MTA3: variants seen among roughly 807,000 people sequenced by gnomAD.
The protein encoded by MTA3 is metastasis-associated protein MTA3.
MTA3 carries 34 observed loss-of-function variants against 83.5 expected under a neutral mutation model. The observed-to-expected ratio is 0.41, with a 90% CI of 0.31 to 0.54. The LOEUF is 0.54. Among genes scored for constraint, MTA3 ranks in the 20% least tolerant of loss-of-function variants. MTA3 has a pLI of 0.33. For missense variants in MTA3, 761 were observed against 726.4 expected (o/e 1.05, Z -0.55); for synonymous variants, 303 against 252.7 (o/e 1.20, Z -1.89).
intron 2 of MTA3, among the ~76,000 whole-genome samples, chr2:42,557,184 A>G (rs939465423): frequency 2.6e-5 from 4 of 152,162 alleles, no homozygotes; most frequent in African/African-American, 7.2e-5. Flanking sequence ...CGGAGGTTGC[A>G]GTGAGCAGAT....
intron 4 of MTA3, among the ~76,000 whole-genome samples, chr2:42,629,253 G>GT (rs754348731): frequency 2.0e-5 from 3 of 151,848 alleles, no homozygotes; most frequent in Non-Finnish European, 4.4e-5. Flanking sequence ...GTACTTTTTT[G>GT]TATCTTTAGT....
chr2:42,549,403 G>GTATATAATATATATTATATAA (rs1363874244), intron 2 of MTA3, among the ~76,000 whole-genome samples: 1 of 109,220 alleles, frequency 9.2e-6, no homozygotes, highest in Non-Finnish European at 1.7e-5. Flanking sequence ...TTATATATAC[G>GTATATAATATATATTATATAA]TATATAATAT....
rs1428858810 is a variant in MTA3, at chr2:42,659,779, G to T, written c.619G>T (p.Ala207Ser). The T allele has an allele frequency of 6.3e-7, 1 of 1,597,810 alleles. No homozygotes were observed. The highest frequency in any genetic ancestry group is 2.3e-5 in the East Asian group (1 of 43,566). ...LVVARAVGTF[A>S]RALDCSSSVR... ...TTTATTCAGTGCTGTTGGGACATTC[G>T]CCAGAGCCCTGGATTGCAGCAGTTC... The change falls in exon 8 of 17, where the codon GCC (alanine) becomes TCC (serine). Residue 207 changes from alanine (A) to serine (S), a missense_variant. Ala to Ser is a moderately conservative substitution (Grantham distance 99). Transcript: ENST00000405094.
intron 4 of MTA3, among the ~76,000 whole-genome samples, chr2:42,611,078 T>C (rs1684145687): frequency 1.3e-5 from 2 of 149,734 alleles, no homozygotes; most frequent in Non-Finnish European, 3.0e-5. Flanking sequence ...GCCTCCCGGG[T>C]TCACGCAGTT....
chr2:42,674,600 T>C (rs868562822), intron 8 of MTA3, among the ~76,000 whole-genome samples: 654 of 46,908 alleles, frequency 0.014, 1 homozygote, highest in Middle Eastern at 0.031. Flanking sequence ...CTTCTTCTTT[T>C]TTTTTTTTTT....
intron 8 of MTA3, among the ~76,000 whole-genome samples, chr2:42,667,576 G>GTGTGTT (rs1690351800): frequency 8.0e-6 from 1 of 124,306 alleles, no homozygotes; most frequent in African/African-American, 3.3e-5. Flanking sequence ...AAAATTGTGT[G>GTGTGTT]TGTGTGTGTG....
At chr2:42,569,648 C>T (rs1377663319) in intron 1 of MTA3, 1 of 152,170 alleles carries the variant, frequency 6.6e-6, no homozygotes, top group Non-Finnish European at 1.5e-5. Context: ...TAGACAATAA[C>T]AATGCAGCTG....
intron 14 of MTA3, among the ~76,000 whole-genome samples, chr2:42,710,053 C>A (rs1666469819): frequency 6.6e-6 from 1 of 152,142 alleles, no homozygotes; most frequent in African/African-American, 2.4e-5. Flanking sequence ...ACAAAACTTG[C>A]TGTCTGGCCT....
chr2:42,639,060 T>C (rs921982649), intron 4 of MTA3, among the ~76,000 whole-genome samples: 4 of 150,838 alleles, frequency 2.7e-5, no homozygotes, highest in Non-Finnish European at 5.9e-5. Context: ...GCTTTCTTTC[T>C]TTCTTTTTTT....
chr2:42,634,161 C>T (rs1378276241), intron 4 of MTA3, among the ~76,000 whole-genome samples: 4 of 152,144 alleles, frequency 2.6e-5, no homozygotes, highest in East Asian at 1.9e-4. Flanking sequence ...AATTATCTGG[C>T]CCAAAATGTC....
At chr2:42,696,479 GT>G (rs1480085938) in intron 10 of MTA3, among the ~76,000 whole-genome samples, 10 of 152,154 alleles carry the variant, frequency 6.6e-5, no homozygotes, top group Non-Finnish European at 1.2e-4. Flanking sequence ...CTTGTGTTAT[GT>G]TTGTATAGGC....
At chr2:42,550,588 G>C (rs528268096) in intron 2 of MTA3, among the ~76,000 whole-genome samples, 1 of 152,282 alleles carries the variant, frequency 6.6e-6, no homozygotes, top group Admixed American at 6.5e-5. Context: ...GGAGCTAAGG[G>C]TGGCTCAGAT....
At chr2:42,532,353 C>G (rs1676018094) in intron 2 of MTA3, among the ~76,000 whole-genome samples, 1 of 151,980 alleles carries the variant, frequency 6.6e-6, no homozygotes, top group South Asian at 2.1e-4. Context: ...CTACTAAAAA[C>G]ACAAAAATTA....
chr2:42,739,773 C>T (rs1257001210), intron 16 of MTA3, among the ~76,000 whole-genome samples: 1 of 152,192 alleles, frequency 6.6e-6, no homozygotes, highest in East Asian at 1.9e-4. Context: ...ATTCTAAGTC[C>T]TTTATTTTCA....
Position 42,755,767 on chromosome 2 carries a change from C to T in MTA3, c.*2368C>T, listed in dbSNP as rs1670198858. 7.1e-6 allele frequency: 7 copies of T among 985,556 alleles called. No homozygotes were observed. The highest frequency in any genetic ancestry group is 4.7e-5 in the South Asian group (1 of 21,292). The allele number at this position is 985,556 out of a possible 1,614,324, so 61.1% of individuals were successfully genotyped here. On this transcript the variant is annotated 3_prime_UTR_variant, in exon 17 of 17. Transcript: ENST00000405094. Reference sequence around the variant, plus strand: ...TCCCTGCTGTGTGTCAGTGGCATGTCACTGTGGTTCAGTGAGCACATGGGT... The same window carrying T: ...TCCCTGCTGTGTGTCAGTGGCATGTTACTGTGGTTCAGTGAGCACATGGGT...
chr2:42,694,432 C>G (rs1447080589), intron 9 of MTA3, among the ~76,000 whole-genome samples: 2 of 152,148 alleles, frequency 1.3e-5, no homozygotes, highest in Non-Finnish European at 2.9e-5. Flanking sequence ...AACTCAAGTT[C>G]CAACCGATAG....
intron 2 of MTA3, among the ~76,000 whole-genome samples, chr2:42,498,710 A>C (rs932520774): frequency 1.2e-4 from 18 of 152,202 alleles, no homozygotes; most frequent in African/African-American, 3.9e-4. Context: ...AAGCTGGCTG[A>C]AACTGACCTG....
chr2:42,583,866 A>G (rs1406969570), intron 3 of MTA3, among the ~76,000 whole-genome samples: 1 of 144,310 alleles, frequency 6.9e-6, no homozygotes. Context: ...TTTGAGTTGG[A>G]GTTTCGCTTT....
intron 4 of MTA3, chr2:42,613,794 TC>T (rs1403013919): frequency 2.0e-5 from 3 of 152,198 alleles, no homozygotes; most frequent in Non-Finnish European, 4.4e-5. Flanking sequence ...TTCTTCTGAT[TC>T]CACCGGAAGA....
Sources: gnomAD v4.1 joint callset for allele counts (sites outside exome capture counted in the v4.1 genomes callset) on GRCh38, gnomAD v4.1.1 for gene constraint, MANE v1.5 for transcripts, NCBI Gene and HGNC (gene_info 2026-07-23, HGNC 2026-07-21) for gene names.